FAM184B: variants seen among roughly 807,000 people sequenced by gnomAD.
FAM184B encodes family with sequence similarity 184 member B, also known as protein FAM184B.
A neutral mutation model predicts 135.9 loss-of-function variants in FAM184B; 111 were observed. The ratio of observed to expected loss-of-function variants is 0.82; its 90% confidence interval spans 0.70 to 0.96. FAM184B has a LOEUF of 0.96. FAM184B is among the 40% of genes least tolerant of loss of function. FAM184B has a pLI of 0.00. For synonymous variants in FAM184B, 552 were observed against 524.8 expected (o/e 1.05, Z -0.71); for missense variants, 1,375 against 1,323.9 (o/e 1.04, Z -0.60).
intron 1 of FAM184B, among the ~76,000 whole-genome samples, chr4:17,741,432 G>A (rs188629363): frequency 3.9e-5 from 6 of 152,312 alleles, no homozygotes; most frequent in African/African-American, 1.4e-4. Context: ...GGTGGCTCAC[G>A]CCTGTAATCT....
At chr4:17,633,176 T>G (rs1266870719) in intron 17 of FAM184B, 1 of 153,056 alleles carries the variant, frequency 6.5e-6, no homozygotes, top group African/African-American at 2.4e-5. Flanking sequence ...CCCACCTCCA[T>G]CTCCCAAAGT....
At position 17,635,126 on chromosome 4, in the gene FAM184B, T is replaced by C; in HGVS notation, c.2785-13A>G. ...ATCTTCTCTCTTCCTAGAAAACCAA[T>C]ACAACTGAGTCTAAATGAGCCTAAC... On this transcript the variant is annotated splice_polypyrimidine_tract_variant and intron_variant, in intron 15 of 17. Coordinates refer to ENST00000265018, the MANE Select transcript of FAM184B (RefSeq NM_015688.2). The C allele has an allele frequency of 1.9e-6, 3 of 1,542,586 alleles. No individual in the cohort carries two copies. The highest frequency in any genetic ancestry group is 2.6e-6 in the Non-Finnish European group (3 of 1,138,952).
At chr4:17,668,476 C>T (rs920733744) in intron 7 of FAM184B, among the ~76,000 whole-genome samples, 2 of 152,136 alleles carry the variant, frequency 1.3e-5, no homozygotes, top group Non-Finnish European at 2.9e-5. Context: ...ATACCTTCTC[C>T]TCTTGAAGTT....
intron 7 of FAM184B, among the ~76,000 whole-genome samples, chr4:17,684,405 A>G (rs916313397): frequency 5.3e-5 from 8 of 152,064 alleles, no homozygotes; most frequent in African/African-American, 1.9e-4. Context: ...TCCAATGTAT[A>G]CCTTTATATA....
chr4:17,662,025 CAA>C (rs1360758680), intron 8 of FAM184B, among the ~76,000 whole-genome samples: 1 of 152,158 alleles, frequency 6.6e-6, no homozygotes, highest in Non-Finnish European at 1.5e-5. Context: ...CCCTTGCAGC[CAA>C]AGCTTTGATT....
chr4:17,770,436 A>AGTT (rs10597477), intron 1 of FAM184B, among the ~76,000 whole-genome samples: 6,286 of 94,942 alleles, frequency 0.066, 144 homozygotes, highest in Middle Eastern at 0.14. Flanking sequence ...CCTCAGAACT[A>AGTT]GTTGTTGTTG....
At chr4:17,708,706 TATA>T (rs1309093749) in intron 2 of FAM184B, among the ~76,000 whole-genome samples, 183 bp downstream of exon 2, 34 of 54,846 alleles carry the variant, frequency 6.2e-4, no homozygotes, top group East Asian at 1.6e-3. Context: ...TATATATATA[TATA>T]GTGTCTGTGT....
At chr4:17,694,386 G>T (rs1016848249) in intron 5 of FAM184B, among the ~76,000 whole-genome samples, 1 of 152,094 alleles carries the variant, frequency 6.6e-6, no homozygotes, top group Non-Finnish European at 1.5e-5. Flanking sequence ...AGCCAGGTGT[G>T]GTGGTGGGTG....
Position 17,781,586 on chromosome 4 carries a change from C to T in FAM184B, c.-287G>A. 1 of 376,618 alleles carries T rather than the reference C, an allele frequency of 2.7e-6. No homozygotes were observed. Among genetic ancestry groups the T allele is most frequent in the Non-Finnish European group, 4.7e-6 (1 of 210,536 alleles). The allele number at this position is 376,618 out of a possible 1,614,324, so 23.3% of individuals were successfully genotyped here. ...GCGCCCCGCACGTGCCGCTGGCGAT[C>T]AGTCTGCAGTTCCCCAGCCAGTGCA... On this transcript the variant is annotated 5_prime_UTR_variant, in exon 1 of 18. Transcript: ENST00000265018. The surrounding 1 kb of genome is among the most constrained non-coding windows in gnomAD (Gnocchi z 6.5).
intron 3 of FAM184B, among the ~76,000 whole-genome samples, 173 bp from the exon 4 acceptor site, chr4:17,706,064 C>T (rs1717112525): frequency 6.6e-6 from 1 of 152,226 alleles, no homozygotes; most frequent in South Asian, 2.1e-4. Context: ...TAGCAATTCT[C>T]ATCTCTTCTC....
At chr4:17,762,968 GGCC>G (rs1718579252) in intron 1 of FAM184B, among the ~76,000 whole-genome samples, 1 of 152,108 alleles carries the variant, frequency 6.6e-6, no homozygotes, top group Non-Finnish European at 1.5e-5. Context: ...TCATTGCCCT[GGCC>G]TACACAGCTG....
Position 17,781,263 on chromosome 4 carries a change from C to T in FAM184B, c.37G>A (p.Gly13Ser). 1 of 1,550,372 alleles carries T rather than the reference C, an allele frequency of 6.5e-7. No individual in the cohort carries two copies. The highest frequency in any genetic ancestry group is 2.4e-5 in the East Asian group (1 of 40,850). The change falls in exon 1 of 18, where the codon GGC becomes AGC. Residue 13 changes from glycine (G) to serine (S), a missense_variant. By Grantham distance (56) the Gly-to-Ser change is moderately conservative. Transcript: ENST00000265018. The surrounding 1 kb of genome is among the most constrained non-coding windows in gnomAD (Gnocchi z 6.5). ...TCGGCTTTGGAGCCCTGGCAAGTGC[C>T]GGGCGGGTTAATTTTGCTGTTGAGA... is the stretch of plus-strand genomic sequence containing the variant. ...SALNSKINPPGTCQGSKADGG... is the reference protein window; with the variant it reads ...SALNSKINPPSTCQGSKADGG...
At position 17,658,537 on chromosome 4, in the gene FAM184B, T is replaced by C. The variant is rs1715835140; in HGVS notation, c.1850A>G (p.Glu617Gly). Residue 617 changes from glutamate (E) to glycine (G), a missense_variant, in exon 10 of 18, where the codon GAG (glutamate) becomes GGG (glycine). Physicochemically the swap from Glu to Gly is moderately conservative, Grantham distance 98. Transcript: ENST00000265018. ...AQVSQMQQAL[E>G]QCTSNYREDL... ...CTCCCTGTAGTTGCTGGTGCACTGC[T>C]CCAGAGCCTGCTGCATCTGTGAGAC... 3.2e-6 allele frequency: 5 copies of C among 1,551,242 alleles called. No individual in the cohort carries two copies. Among genetic ancestry groups the C allele is most frequent in the Middle Eastern group, 1.7e-4 (1 of 5,784 alleles).
chr4:17,762,062 C>T (rs1055644289), intron 1 of FAM184B, among the ~76,000 whole-genome samples: 1 of 150,034 alleles, frequency 6.7e-6, no homozygotes, highest in Non-Finnish European at 1.5e-5. Flanking sequence ...CTTCTCTTCT[C>T]CCTCTGCAAA....
Position 17,638,614 on chromosome 4 carries a change from A to G in FAM184B, c.2666+636T>C, listed in dbSNP as rs947030651. 4.6e-5 allele frequency among the ~76,000 whole-genome samples: 7 copies of G among 152,292 alleles called. No homozygotes were observed. In the South Asian group the frequency reaches 1.5e-3, roughly 32 times the overall value. ...GAGCCTAAAGCAGTGCTGGGCATAC[A>G]ATGGGTCCTTAACAATTATTTGTTG... On this transcript the variant is annotated intron_variant, in intron 14 of 17. Transcript: ENST00000265018.
At chr4:17,633,574 C>T (rs902784665) in intron 17 of FAM184B, 115 bp downstream of exon 17, 1 of 947,458 alleles carries the variant, frequency 1.1e-6, no homozygotes, top group Non-Finnish European at 1.5e-6. Context: ...CTTGTCTAAT[C>T]ATCCATGAAA....
Position 17,709,253 on chromosome 4 carries a change from TG to T in FAM184B, c.532del (p.Gln178ArgfsTer21). 1 of 1,547,314 alleles carries T rather than the reference TG, an allele frequency of 6.5e-7. No individual in the cohort carries two copies. On this transcript the variant is annotated frameshift_variant, in exon 2 of 18. Coordinates refer to ENST00000265018, the MANE Select transcript of FAM184B (RefSeq NM_015688.2). LOFTEE classifies it high-confidence loss of function. The part of the protein sequence containing the change: ...HEATPQGRLP[Q>X]ESPETKSEPG... ...CTCCGACTTGGTTTCAGGGCTCTCC[TG>T]GGGCAGCCGGCCCTGCGGGGTAGCC...
At chr4:17,653,848 C>T (rs923478949) in intron 10 of FAM184B, among the ~76,000 whole-genome samples, 1 of 106,554 alleles carries the variant, frequency 9.4e-6, no homozygotes, top group African/African-American at 5.0e-5. Context: ...GCCTCAATCA[C>T]AAGGGTCCTT....
rs138081185 is a variant in FAM184B at position 17,761,243 on chromosome 4, G to GTCTC, written c.141+19912_141+19915dup. Among the ~76,000 whole-genome samples, 855 of 149,028 alleles carry GTCTC rather than the reference G, an allele frequency of 5.7e-3. 7 individuals are homozygous for GTCTC. The highest frequency in any genetic ancestry group is 0.02 in the African/African-American group (817 of 40,738). On this transcript the variant is annotated intron_variant, in intron 1 of 17. Coordinates refer to ENST00000265018, the MANE Select transcript of FAM184B (RefSeq NM_015688.2). ...TTATTAGAAGAGGAAGAGACAGCAG[G>GTCTC]TCTCTCTCTCTCTCTCTCTCCCTGT...
Sources: gnomAD v4.1 joint callset for allele counts (sites outside exome capture counted in the v4.1 genomes callset) on GRCh38, gnomAD v4.1.1 for gene constraint, Gnocchi (gnomAD v3.1) non-coding constraint, MANE v1.5 for transcripts, NCBI Gene and HGNC (gene_info 2026-07-23, HGNC 2026-07-21) for gene names.